POLR2G: variants seen among roughly 807,000 people sequenced by gnomAD.
The protein encoded by POLR2G is DNA-directed RNA polymerase II subunit RPB7.
POLR2G carries 19 observed loss-of-function variants against 25.7 expected under a neutral mutation model. That is an observed-to-expected ratio of 0.74 (90% confidence interval 0.52 to 1.08). POLR2G has a LOEUF of 1.08. Ranked by LOEUF, POLR2G falls within the 50% of genes least tolerant of loss-of-function variation. The probability of loss-of-function intolerance (pLI) is 0.00; values close to 1 mark genes in which losing one functional copy is unlikely to be tolerated. For synonymous variants in POLR2G, 79 were observed against 76.0 expected (o/e 1.04, Z -0.21); for missense variants, 123 against 218.5 (o/e 0.56, Z 2.76).
chr11:62,766,374 G>C, intron 7 of POLR2G, 98 bp downstream of exon 7: 1 of 1,522,792 alleles, frequency 6.6e-7, no homozygotes, highest in Non-Finnish European at 9.1e-7. Context: ...CAGAGAGACA[G>C]AAGAAACTTT....
Position 62,765,639 on chromosome 11 carries a change from CCTCCT to C in POLR2G, c.400-7_400-3del. 9.5e-6 allele frequency: 15 copies of C among 1,584,600 alleles called. No individual in the cohort carries two copies. The highest frequency in any genetic ancestry group is 1.3e-5 in the Non-Finnish European group (15 of 1,153,104). On this transcript the variant is annotated splice_polypyrimidine_tract_variant and intron_variant, in intron 5 of 7. Coordinates refer to ENST00000301788, the MANE Select transcript of POLR2G (RefSeq NM_002696.3). Reference sequence around the variant, plus strand: ...ACTGAGGAGCATCTGTACACTGTTCCCTCCTCTCCTCAGGATATTGTGATTCAGCA... The same window carrying C: ...ACTGAGGAGCATCTGTACACTGTTCCCTCCTCAGGATATTGTGATTCAGCA...
In POLR2G at chr11:62,761,667, A is replaced by C. The variant is rs1260403639; in HGVS notation, c.12+7A>C. On this transcript the variant is annotated splice_region_variant and intron_variant, in intron 1 of 7. Coordinates refer to ENST00000301788, the MANE Select transcript of POLR2G (RefSeq NM_002696.3). ...TGGGAAGATGTTCTACCATGTGAGC[A>C]GGGCTCAGGGTGGCGGCAAGGGCTG... 2 of 1,612,224 alleles carry C rather than the reference A, an allele frequency of 1.2e-6. No individual in the cohort carries two copies. Among genetic ancestry groups the C allele is most frequent in the African/African-American group, 2.7e-5 (2 of 74,906 alleles).
intron 3 of POLR2G, among the ~76,000 whole-genome samples, chr11:62,764,601 C>T (rs568267723): frequency 1.1e-3 from 165 of 152,074 alleles, no homozygotes; most frequent in Admixed American, 2.0e-3. Context: ...TTGAGACAGC[C>T]TGGGCAACAT....
intron 2 of POLR2G, 58 bp downstream of exon 2, chr11:62,761,962 C>A (rs948150836): frequency 1.6e-6 from 2 of 1,219,034 alleles, no homozygotes; most frequent in Non-Finnish European, 2.4e-6. Context: ...GGGCGCTATA[C>A]CTGCAACCCC....
At chr11:62,765,095 G>A (rs564605162) in intron 3 of POLR2G, 87 bp from the exon 4 acceptor site, 56 of 1,113,988 alleles carry the variant, frequency 5.0e-5, no homozygotes, top group Non-Finnish European at 7.0e-5. Flanking sequence ...CTGACCTCGT[G>A]ATCCACCGGC....
chr11:62,761,714 C>T, intron 1 of POLR2G, 54 bp downstream of exon 1: 2 of 1,609,124 alleles, frequency 1.2e-6, no homozygotes, highest in Non-Finnish European at 1.7e-6. Flanking sequence ...AGAGCAAGGC[C>T]AGGCGCCGGC....
chr11:62,763,124 C>T, intron 3 of POLR2G, 98 bp downstream of exon 3: 1 of 467,634 alleles, frequency 2.1e-6, no homozygotes, highest in South Asian at 5.9e-5. Flanking sequence ...GGCTAAGTCA[C>T]TTCACTTTTT....
chr11:62,765,033 A>C (rs2084108123), intron 3 of POLR2G, 149 bp from the exon 4 acceptor site: 1 of 621,912 alleles, frequency 1.6e-6, no homozygotes, highest in Non-Finnish European at 2.9e-6. Flanking sequence ...TAATTTTTGT[A>C]TTTTTAGTAA....
chr11:62,762,539 C>T, intron 2 of POLR2G: 1 of 461,460 alleles, frequency 2.2e-6, no homozygotes. Context: ...TTATTCCCTA[C>T]AGAATCAAGA....
intron 3 of POLR2G, among the ~76,000 whole-genome samples, chr11:62,764,038 G>A (rs972136563): frequency 1.3e-5 from 2 of 151,992 alleles, no homozygotes; most frequent in African/African-American, 4.8e-5. Context: ...CACCGTGCCC[G>A]GCCAGTGGGT....
At position 62,766,252 on chromosome 11, in the gene POLR2G, G is replaced by A. The variant is rs1345963676; in HGVS notation, c.481G>A (p.Gly161Ser). The change falls in exon 7 of 8, where the codon GGC becomes AGC. Residue 161 changes from glycine (G) to serine (S), a missense_variant. Coordinates refer to ENST00000301788, the MANE Select transcript of POLR2G (RefSeq NM_002696.3). ...ACCATCTTTCTTGCAGTTTGCTATT[G>A]GCTCCCTGATGGACGATTACTTGGG... ...RVDKNDIFAI[G>S]SLMDDYLGLV... 6.2e-7 allele frequency: 1 copy of A among 1,613,874 alleles called. No individual in the cohort carries two copies. Among genetic ancestry groups the A allele is most frequent in the Non-Finnish European group, 8.5e-7 (1 of 1,179,854 alleles).
In POLR2G at chr11:62,766,637, T is replaced by G; in HGVS notation, c.*130T>G. 1.3e-6 allele frequency: 1 copy of G among 775,074 alleles called. No homozygotes were observed. Among genetic ancestry groups the G allele is most frequent in the Non-Finnish European group, 2.2e-6 (1 of 452,236 alleles). The allele number at this position is 775,074 out of a possible 1,614,324, so 48.0% of individuals were successfully genotyped here. A position where few individuals can be genotyped will look rare whatever the true frequency, so the allele number is the denominator to read the frequency against. On this transcript the variant is annotated 3_prime_UTR_variant, in exon 8 of 8. Coordinates refer to ENST00000301788, the MANE Select transcript of POLR2G (RefSeq NM_002696.3). ...GCAACTCATCCCAGAAGGCATCTGGTGCTTCTTGTAGCTTAACTACTGCCT... is the reference window on the plus strand; with the variant it reads ...GCAACTCATCCCAGAAGGCATCTGGGGCTTCTTGTAGCTTAACTACTGCCT...
At chr11:62,762,788 A>T in intron 2 of POLR2G, 79 bp from the exon 3 acceptor site, 1 of 1,200,868 alleles carries the variant, frequency 8.3e-7, no homozygotes, top group African/African-American at 1.5e-5. Context: ...TACCCCCAAG[A>T]GCTCAGCGAC....
Position 62,761,627 on chromosome 11 carries a change from C to A in POLR2G, c.-22C>A. ...GGGACTGTCGGAGGTGTGGACTCTGCCTGCCTACCTGGTCTGGGAAGATGT... is the reference window on the plus strand; with the variant it reads ...GGGACTGTCGGAGGTGTGGACTCTGACTGCCTACCTGGTCTGGGAAGATGT... On this transcript the variant is annotated 5_prime_UTR_variant, in exon 1 of 8. Transcript: ENST00000301788. 6.2e-7 allele frequency: 1 copy of A among 1,605,586 alleles called. No individual in the cohort carries two copies. Among genetic ancestry groups the A allele is most frequent in the Non-Finnish European group, 8.5e-7 (1 of 1,175,366 alleles).
At chr11:62,762,608 A>C (rs1228005022) in intron 2 of POLR2G, 1 of 578,852 alleles carries the variant, frequency 1.7e-6, no homozygotes, top group African/African-American at 1.8e-5. Context: ...GGCATCCCGA[A>C]GATTGAGATC....
intron 3 of POLR2G, among the ~76,000 whole-genome samples, chr11:62,763,628 C>T (rs1330756273): frequency 6.6e-6 from 1 of 151,736 alleles, no homozygotes; most frequent in Non-Finnish European, 1.5e-5. Flanking sequence ...CTTGCCCTGC[C>T]TAACTCAGAG....
At position 62,766,599 on chromosome 11, in the gene POLR2G, G is replaced by A; in HGVS notation, c.*92G>A. 7.8e-7 allele frequency: 1 copy of A among 1,281,670 alleles called. No homozygotes were observed. Among genetic ancestry groups the A allele is most frequent in the Non-Finnish European group, 1.1e-6 (1 of 885,534 alleles). The allele number at this position is 1,281,670 out of a possible 1,614,324, so 79.4% of individuals were successfully genotyped here. A position where few individuals can be genotyped will look rare whatever the true frequency, so the allele number is the denominator to read the frequency against. On this transcript the variant is annotated 3_prime_UTR_variant, in exon 8 of 8. Coordinates refer to ENST00000301788, the MANE Select transcript of POLR2G (RefSeq NM_002696.3). ...AGAGGTCCAGTCTGGCTGCTGTTGT[G>A]GAGGCAAGGAAGGCAACTCATCCCA...
At chr11:62,761,989 G>A in intron 2 of POLR2G, 85 bp downstream of exon 2, 1 of 997,358 alleles carries the variant, frequency 1.0e-6, no homozygotes, top group Non-Finnish European at 1.5e-6. Flanking sequence ...ACTCCTACTC[G>A]TCCTGCCACC....
intron 5 of POLR2G, 31 bp from the exon 6 acceptor site, chr11:62,765,622 G>C: frequency 6.8e-7 from 1 of 1,479,016 alleles, no homozygotes; most frequent in Non-Finnish European, 9.5e-7. Context: ...AAACTGAGGA[G>C]CATCTGTACA....
Sources: allele counts gnomAD v4.1 joint callset (sites outside exome capture counted in the v4.1 genomes callset), GRCh38; gene constraint gnomAD v4.1.1; transcripts MANE v1.5; gene names NCBI Gene and HGNC (gene_info 2026-07-23, HGNC 2026-07-21).